The following GLIS3 variants were observed in gnomAD, a reference collection of about 807,000 sequenced individuals.
The protein encoded by GLIS3 is GLIS family zinc finger 3.
GLIS3 carries 53 observed loss-of-function variants against 78.6 expected under a neutral mutation model. The observed-to-expected ratio is 0.67, with a 90% CI of 0.54 to 0.85. The LOEUF (loss-of-function observed/expected upper bound fraction) is 0.85. GLIS3 is among the 40% of genes least tolerant of loss of function. The pLI is 0.00. For synonymous variants in GLIS3, 684 were observed against 509.9 expected (o/e 1.34, Z -4.60); for missense variants, 1,703 against 1,231.1 (o/e 1.38, Z -5.74).
chr9:4,013,906 T>C (rs1463734340), intron 4 of GLIS3, among the ~76,000 whole-genome samples: 1 of 152,198 alleles, frequency 6.6e-6, no homozygotes, highest in Non-Finnish European at 1.5e-5. Context: ...AGGCCCTTCA[T>C]GTACAGTTGG....
At chr9:3,913,568 G>C (rs1223727811) in intron 6 of GLIS3, among the ~76,000 whole-genome samples, 1 of 152,110 alleles carries the variant, frequency 6.6e-6, no homozygotes, top group Non-Finnish European at 1.5e-5. Context: ...CCCTCATCTG[G>C]AGTCCCCTTT....
At chr9:4,087,465 C>T (rs751452862) in intron 4 of GLIS3, among the ~76,000 whole-genome samples, 1 of 152,140 alleles carries the variant, frequency 6.6e-6, no homozygotes, top group Non-Finnish European at 1.5e-5. Flanking sequence ...AAACAATCGG[C>T]AATTTCCTGA....
the GLIS3 span, among the ~76,000 whole-genome samples, chr9:4,410,034 G>C: frequency 3.6e-3 from 543 of 152,218 alleles, 1 homozygote; most frequent in African/African-American, 0.013. Context: ...GCAGTGGTGA[G>C]ATCTCAGCTC....
At chr9:4,126,639 C>G (rs932183972) in intron 2 of GLIS3, among the ~76,000 whole-genome samples, 1 of 152,136 alleles carries the variant, frequency 6.6e-6, no homozygotes, top group Admixed American at 6.5e-5. Context: ...AAAAAAGGAA[C>G]CCACAAGAAT....
At chr9:4,029,552 C>T (rs996030421) in intron 4 of GLIS3, among the ~76,000 whole-genome samples, 2 of 152,132 alleles carry the variant, frequency 1.3e-5, no homozygotes, top group Non-Finnish European at 2.9e-5. Context: ...TGCATTCTTT[C>T]TATTTTTTTG....
intron 6 of GLIS3, among the ~76,000 whole-genome samples, chr9:3,908,716 T>TG (rs1236995227): frequency 1.4e-5 from 2 of 144,590 alleles, no homozygotes; most frequent in Non-Finnish European, 3.0e-5. Context: ...GTTTTTTTTT[T>TG]TTTTTTTTTT....
chr9:4,475,453 G>C, the GLIS3 span, among the ~76,000 whole-genome samples: 5 of 152,144 alleles, frequency 3.3e-5, no homozygotes, highest in Non-Finnish European at 7.3e-5. Context: ...GCTATTCTTT[G>C]TGGTATTATT....
At chr9:4,427,489 TG>T in the GLIS3 span, among the ~76,000 whole-genome samples, 1 of 152,178 alleles carries the variant, frequency 6.6e-6, no homozygotes, top group Admixed American at 6.5e-5. Context: ...TCCTTGAGCC[TG>T]AAGCCCAGTC....
In GLIS3 at chr9:3,992,352, T is replaced by G. The variant is rs755906971; in HGVS notation, c.1711-55163A>C. ...AAAAGGAAATAATAAAAATGACTTG[T>G]CTGTGTAATGATAGTTGCTTCTCTT... On this transcript the variant is annotated intron_variant, in intron 4 of 10. Transcript: ENST00000381971. 2.6e-5 allele frequency among the ~76,000 whole-genome samples: 4 copies of G among 152,346 alleles called. 1 individual carries two copies. In the South Asian group the frequency reaches 8.3e-4, roughly 32 times the overall value.
chr9:4,023,305 C>T (rs527238728), intron 4 of GLIS3, among the ~76,000 whole-genome samples: 5 of 152,264 alleles, frequency 3.3e-5, no homozygotes, highest in Admixed American at 3.3e-4. Context: ...GTACCCAACA[C>T]AGCATTAGGC....
chr9:3,975,342 A>G (rs927223140), intron 4 of GLIS3: 2 of 152,188 alleles, frequency 1.3e-5, no homozygotes, highest in African/African-American at 2.4e-5. Context: ...GCTTATTGGA[A>G]GAGGGCATGG....
At chr9:3,894,788 T>C (rs1424019008) in intron 7 of GLIS3, among the ~76,000 whole-genome samples, 1 of 152,148 alleles carries the variant, frequency 6.6e-6, no homozygotes, top group Non-Finnish European at 1.5e-5. Flanking sequence ...AATTGTAAGC[T>C]CTAAACATAA....
intron 6 of GLIS3, among the ~76,000 whole-genome samples, chr9:3,912,621 T>C (rs965381481): frequency 6.6e-6 from 1 of 152,204 alleles, no homozygotes; most frequent in African/African-American, 2.4e-5. Flanking sequence ...ATTTTCTTCC[T>C]AAGTCAATAT....
intron 2 of GLIS3, among the ~76,000 whole-genome samples, chr9:4,169,839 T>C (rs1056039057): frequency 6.6e-6 from 1 of 152,196 alleles, no homozygotes; most frequent in Admixed American, 6.5e-5. Flanking sequence ...TCTTGCAGTT[T>C]TTTTTGTTGT....
chr9:4,192,495 A>G (rs1212821971), intron 2 of GLIS3, among the ~76,000 whole-genome samples: 1 of 152,226 alleles, frequency 6.6e-6, no homozygotes, highest in Non-Finnish European at 1.5e-5. Flanking sequence ...AACTCAACAC[A>G]TTCCTATGTT....
chr9:4,011,872 G>C (rs879496296), intron 4 of GLIS3, among the ~76,000 whole-genome samples: 2 of 152,014 alleles, frequency 1.3e-5, no homozygotes, highest in Non-Finnish European at 2.9e-5. Flanking sequence ...CCCGCCAAGA[G>C]ATTGGTCTCT....
the GLIS3 span, among the ~76,000 whole-genome samples, chr9:4,398,380 T>C: frequency 6.6e-6 from 1 of 152,076 alleles, no homozygotes; most frequent in African/African-American, 2.4e-5. Context: ...GGAATCAGAA[T>C]CTGCAATTTA....
intron 2 of GLIS3, among the ~76,000 whole-genome samples, chr9:4,342,308 C>A (rs12347956): frequency 6.6e-6 from 1 of 152,150 alleles, no homozygotes; most frequent in African/African-American, 2.4e-5. Flanking sequence ...CTTCTGCACG[C>A]GGCTAGCCAG....
chr9:4,161,849 GTTTT>G (rs56116096), intron 2 of GLIS3, among the ~76,000 whole-genome samples: 16 of 146,774 alleles, frequency 1.1e-4, no homozygotes, highest in South Asian at 2.2e-4. Context: ...GCTAATTTTT[GTTTT>G]TTTTTTTTTT....
Sources: gnomAD v4.1 joint callset for allele counts (sites outside exome capture counted in the v4.1 genomes callset) on GRCh38, gnomAD v4.1.1 for gene constraint, MANE v1.5 for transcripts, NCBI Gene and HGNC (gene_info 2026-07-23, HGNC 2026-07-21) for gene names.